Variants in GRAMD1B observed in about 807,000 individuals in gnomAD.
GRAMD1B encodes protein Aster-B.
GRAMD1B carries 37 observed loss-of-function variants against 99.7 expected under a neutral mutation model. The observed-to-expected ratio is 0.37, with a 90% CI of 0.29 to 0.49. The LOEUF (loss-of-function observed/expected upper bound fraction) is 0.49, where lower values mean the gene tolerates loss of function less well. Among genes scored for constraint, GRAMD1B ranks in the 20% least tolerant of loss-of-function variants. GRAMD1B has a pLI of 0.98. For synonymous variants in GRAMD1B, 427 were observed against 387.6 expected, an observed-to-expected ratio of 1.10 and a Z score of -1.19; for missense variants, 888 against 1,009.2, an observed-to-expected ratio of 0.88 and a Z score of 1.63.
At chr11:123,482,874 C>G (rs536188302) in intron 2 of GRAMD1B, among the ~76,000 whole-genome samples, 1 of 152,232 alleles carries the variant, frequency 6.6e-6, no homozygotes, top group South Asian at 2.1e-4. Flanking sequence ...GCCTGGCCAA[C>G]ATGGGGAAGC....
intron 2 of GRAMD1B, among the ~76,000 whole-genome samples, chr11:123,503,285 A>G (rs567164347): frequency 1.3e-5 from 2 of 152,304 alleles, no homozygotes; most frequent in South Asian, 4.1e-4. Flanking sequence ...GCACAGTGCA[A>G]GGGACCAGCT....
chr11:123,421,873 C>G (rs1948449408), intron 1 of GRAMD1B, among the ~76,000 whole-genome samples: 1 of 152,098 alleles, frequency 6.6e-6, no homozygotes, highest in African/African-American at 2.4e-5. Context: ...TTTAAAGAAA[C>G]AATGTATTCT....
At chr11:123,574,569 T>G (rs1394958574) in intron 2 of GRAMD1B, among the ~76,000 whole-genome samples, 1 of 152,136 alleles carries the variant, frequency 6.6e-6, no homozygotes, top group Non-Finnish European at 1.5e-5. Context: ...CAGTGACTCA[T>G]TTTTTAGTGG....
At chr11:123,556,177 A>G (rs554488329) in intron 2 of GRAMD1B, among the ~76,000 whole-genome samples, 13 of 152,350 alleles carry the variant, frequency 8.5e-5, no homozygotes, top group Admixed American at 5.9e-4. Context: ...TATGCTTCAG[A>G]AAAGCACTCG....
At chr11:123,617,848 T>G (rs1954635976) in intron 17 of GRAMD1B, among the ~76,000 whole-genome samples, 1 of 136,762 alleles carries the variant, frequency 7.3e-6, no homozygotes, top group African/African-American at 2.6e-5. Flanking sequence ...ATTTCTGCAG[T>G]CTCTCTATGA....
rs77648953 is a variant in GRAMD1B at position 123,502,249 on chromosome 11, A to G, written c.452+21356A>G. On this transcript the variant is annotated intron_variant, in intron 2 of 19. Coordinates refer to ENST00000635736, the MANE Select transcript of GRAMD1B (RefSeq NM_001387025.1). ...CATGCAGTGATGTCCAGGCATTCGG[A>G]CAATCCTTCCTTCTCCCATCCTAAC... Among the ~76,000 whole-genome samples, 882 of 152,256 alleles carry G rather than the reference A, an allele frequency of 5.8e-3. 7 individuals carry two copies. The highest frequency in any genetic ancestry group is 0.02 in the African/African-American group (833 of 41,550).
At chr11:123,564,934 G>A (rs925890342) in intron 2 of GRAMD1B, among the ~76,000 whole-genome samples, 3 of 152,182 alleles carry the variant, frequency 2.0e-5, no homozygotes, top group South Asian at 2.1e-4. Flanking sequence ...CTATTCCCTT[G>A]AACATTTAGG....
At chr11:123,384,820 A>G (rs1947001859) in intron 1 of GRAMD1B, among the ~76,000 whole-genome samples, 1 of 152,214 alleles carries the variant, frequency 6.6e-6, no homozygotes, top group Admixed American at 6.5e-5. Flanking sequence ...AAAGGACCTG[A>G]TAGTCCATAT....
chr11:123,399,608 G>GTATTTATT (rs59870444), intron 1 of GRAMD1B, among the ~76,000 whole-genome samples: 20,724 of 150,824 alleles, frequency 0.14, 1,578 homozygotes, highest in Non-Finnish European at 0.16. Context: ...CTTACCTTTT[G>GTATTTATT]TATTTATTTA....
At chr11:123,423,241 GACACACAC>G (rs57312255) in intron 1 of GRAMD1B, among the ~76,000 whole-genome samples, 2 of 146,184 alleles carry the variant, frequency 1.4e-5, no homozygotes, top group African/African-American at 2.5e-5. Flanking sequence ...CCAACAATAA[GACACACAC>G]ACACACACAC....
intron 2 of GRAMD1B, among the ~76,000 whole-genome samples, chr11:123,489,632 A>G (rs907027617): frequency 5.9e-5 from 9 of 152,168 alleles, no homozygotes; most frequent in Non-Finnish European, 1.2e-4. Flanking sequence ...CAGTTTCAGA[A>G]GAGTATATTT....
chr11:123,377,153 TA>T (rs1377092672), intron 1 of GRAMD1B, among the ~76,000 whole-genome samples: 1 of 152,212 alleles, frequency 6.6e-6, no homozygotes, highest in African/African-American at 2.4e-5. Flanking sequence ...TCTGACAGTC[TA>T]AAAAATAGAT....
At chr11:123,402,806 T>C (rs1013784651) in intron 1 of GRAMD1B, among the ~76,000 whole-genome samples, 35 of 152,066 alleles carry the variant, frequency 2.3e-4, no homozygotes, top group African/African-American at 8.0e-4. Flanking sequence ...CTCTCTTTTA[T>C]TATTATTATT....
chr11:123,433,245 G>A (rs1948987275), intron 1 of GRAMD1B, among the ~76,000 whole-genome samples: 2 of 152,042 alleles, frequency 1.3e-5, no homozygotes, highest in South Asian at 4.1e-4. Context: ...AGGTGTAGTA[G>A]CGGGTGCCTG....
At chr11:123,470,635 T>C (rs946209388) in intron 1 of GRAMD1B, among the ~76,000 whole-genome samples, 2 of 151,082 alleles carry the variant, frequency 1.3e-5, no homozygotes, top group African/African-American at 4.9e-5. Flanking sequence ...TGCCTCAGCC[T>C]CCCAAGTAAG....
chr11:123,614,807 T>C lies in GRAMD1B; in HGVS notation c.2290T>C (p.Ser764Pro), dbSNP rs1954124078. 1 of 1,610,742 alleles carries C rather than the reference T, an allele frequency of 6.2e-7. No individual in the cohort carries two copies. Among genetic ancestry groups the C allele is most frequent in the Non-Finnish European group, 8.5e-7 (1 of 1,177,096 alleles). ...CAACGGTTTCCACCTGCAGAGCGTG[T>C]CCAAGCTGCTGCTGGTTATCAGCTG... The part of the protein sequence containing the change: ...TPNGFHLQSV[S>P]KLLLVISCVL... Residue 764 changes from serine (S) to proline (P), a missense_variant, in exon 17 of 20, where the codon TCC becomes CCC. Physicochemically the swap from Ser to Pro is moderately conservative, Grantham distance 74 (BLOSUM62 -1). Coordinates refer to ENST00000635736, the MANE Select transcript of GRAMD1B (RefSeq NM_001387025.1).
chr11:123,386,171 G>A (rs1209528489), intron 1 of GRAMD1B, among the ~76,000 whole-genome samples: 2 of 151,916 alleles, frequency 1.3e-5, no homozygotes, highest in Middle Eastern at 3.2e-3. Context: ...AACTTTATAG[G>A]GCTGTTATGA....
At chr11:123,445,433 T>C (rs1451207358) in intron 1 of GRAMD1B, among the ~76,000 whole-genome samples, 1 of 152,122 alleles carries the variant, frequency 6.6e-6, no homozygotes, top group East Asian at 1.9e-4. Context: ...CTGGAAGAGT[T>C]TGCCCTTAAC....
chr11:123,410,401 G>A (rs956589604), intron 1 of GRAMD1B, among the ~76,000 whole-genome samples: 2 of 152,142 alleles, frequency 1.3e-5, no homozygotes, highest in African/African-American at 4.8e-5. Flanking sequence ...AGAAGCAGAA[G>A]ATTTCTTGCC....
Sources: allele counts gnomAD v4.1 joint callset (sites outside exome capture counted in the v4.1 genomes callset), GRCh38; gene constraint gnomAD v4.1.1; transcripts MANE v1.5; gene names NCBI Gene and HGNC (gene_info 2026-07-23, HGNC 2026-07-21).